The following ZNF385D variants were observed in gnomAD, a reference collection of about 807,000 sequenced individuals.
The protein encoded by ZNF385D is zinc finger protein 659.
Under a neutral mutation model 35.8 loss-of-function variants are expected in ZNF385D, and 15 were observed. That is an observed-to-expected ratio of 0.42 (90% confidence interval 0.28 to 0.64). The LOEUF (loss-of-function observed/expected upper bound fraction) is 0.64. Ranked by LOEUF, ZNF385D falls within the 30% of genes least tolerant of loss-of-function variation. The probability of loss-of-function intolerance (pLI) is 0.23; values close to 1 mark genes in which losing one functional copy is unlikely to be tolerated. For synonymous variants in ZNF385D, 212 were observed against 186.8 expected, an observed-to-expected ratio of 1.13 and a Z score of -1.10; for missense variants, 474 against 494.6, an observed-to-expected ratio of 0.96 and a Z score of 0.39.
At chr3:21,740,645 T>G (rs950188977) in intron 1 of ZNF385D, among the ~76,000 whole-genome samples, 5 of 152,118 alleles carry the variant, frequency 3.3e-5, no homozygotes, top group African/African-American at 1.2e-4. Context: ...CATACACTGA[T>G]TTCCGTGAGA....
chr3:21,934,017 T>C (rs1323390580), intron 3 of ZNF385D, among the ~76,000 whole-genome samples: 3 of 141,276 alleles, frequency 2.1e-5, no homozygotes, highest in Non-Finnish European at 4.7e-5. Context: ...AAAAAAAAAA[T>C]CCTAACTTTG....
intron 2 of ZNF385D, among the ~76,000 whole-genome samples, chr3:22,229,488 T>C (rs1362912278): frequency 6.6e-6 from 1 of 152,226 alleles, no homozygotes; most frequent in Admixed American, 6.5e-5. Flanking sequence ...GTTTTCCAGA[T>C]GCTTTGGAGA....
intron 3 of ZNF385D, among the ~76,000 whole-genome samples, chr3:21,924,055 G>A (rs36015330): frequency 0.53 from 81,266 of 151,974 alleles, 23,794 homozygotes; most frequent in South Asian, 0.66. Context: ...CTTATTTGTG[G>A]TAAAAGCCAG....
At chr3:21,954,085 C>T (rs1215474932) in intron 3 of ZNF385D, among the ~76,000 whole-genome samples, 3 of 151,882 alleles carry the variant, frequency 2.0e-5, no homozygotes, top group Non-Finnish European at 4.4e-5. Flanking sequence ...AGCATAAGTG[C>T]TGCCCTCCAT....
At chr3:22,105,476 T>C (rs1203981008) in intron 3 of ZNF385D, among the ~76,000 whole-genome samples, 9 of 152,122 alleles carry the variant, frequency 5.9e-5, no homozygotes, top group Non-Finnish European at 1.2e-4. Flanking sequence ...ATATAAAATA[T>C]TGGCTCACAC....
chr3:21,423,910 A>C, intron 7 of ZNF385D, 53 bp downstream of exon 7: 1 of 1,548,028 alleles, frequency 6.5e-7, no homozygotes, highest in Non-Finnish European at 8.8e-7. Context: ...AAATCAAGAA[A>C]CCAATAATTC....
At chr3:21,853,144 G>C (rs1017419683) in intron 3 of ZNF385D, among the ~76,000 whole-genome samples, 4 of 150,024 alleles carry the variant, frequency 2.7e-5, no homozygotes, top group Admixed American at 2.6e-4. Context: ...ATTTAGAGTA[G>C]GGTTTAAAAA....
chr3:22,280,102 G>T (rs1701659658), intron 2 of ZNF385D, among the ~76,000 whole-genome samples: 1 of 151,886 alleles, frequency 6.6e-6, no homozygotes, highest in South Asian at 2.1e-4. Flanking sequence ...GTCTATTCAT[G>T]TCCTTAGCCC....
intron 3 of ZNF385D, among the ~76,000 whole-genome samples, chr3:21,876,344 G>A (rs1697970123): frequency 6.6e-6 from 1 of 150,990 alleles, no homozygotes; most frequent in Non-Finnish European, 1.5e-5. Flanking sequence ...TGGTCAAAAC[G>A]GTATGGATAT....
intron 2 of ZNF385D, among the ~76,000 whole-genome samples, chr3:22,251,915 C>T (rs1700083170): frequency 1.3e-5 from 2 of 152,054 alleles, no homozygotes; most frequent in African/African-American, 4.8e-5. Context: ...GTTTGGGCGA[C>T]CTACCTCACA....
At chr3:21,929,286 A>G (rs1178682714) in intron 3 of ZNF385D, among the ~76,000 whole-genome samples, 2 of 152,066 alleles carry the variant, frequency 1.3e-5, no homozygotes, top group East Asian at 1.9e-4. Flanking sequence ...AAAACTCTCA[A>G]CAAACTAGGG....
At chr3:21,458,649 A>G (rs1702976274) in intron 4 of ZNF385D, among the ~76,000 whole-genome samples, 1 of 152,142 alleles carries the variant, frequency 6.6e-6, no homozygotes, top group Non-Finnish European at 1.5e-5. Context: ...AAACTGTGTC[A>G]TGAATGAACC....
At chr3:22,122,430 A>G (rs965537505) in intron 3 of ZNF385D, among the ~76,000 whole-genome samples, 1 of 152,162 alleles carries the variant, frequency 6.6e-6, no homozygotes, top group Non-Finnish European at 1.5e-5. Context: ...TATAGTAAGT[A>G]TATCAAATGA....
intron 2 of ZNF385D, among the ~76,000 whole-genome samples, chr3:22,321,206 A>C (rs985262707): frequency 6.5e-5 from 1 of 15,412 alleles, no homozygotes; most frequent in Non-Finnish European, 1.4e-4. Context: ...CATCTCTTTT[A>C]TCTCTTTTAT....
intron 3 of ZNF385D, among the ~76,000 whole-genome samples, chr3:21,827,428 A>G (rs776529071): frequency 6.6e-6 from 1 of 152,204 alleles, no homozygotes; most frequent in African/African-American, 2.4e-5. Flanking sequence ...ATCCTGACTC[A>G]AAGATTCCTT....
At chr3:21,972,792 G>C (rs372473154) in intron 3 of ZNF385D, among the ~76,000 whole-genome samples, 1 of 151,848 alleles carries the variant, frequency 6.6e-6, no homozygotes, top group African/African-American at 2.4e-5. Context: ...AGGCTACTCT[G>C]AGCAACTATA....
chr3:21,668,038 G>A lies in ZNF385D; in HGVS notation c.23-3010C>T, dbSNP rs181308445. Among the ~76,000 whole-genome samples, 212 of 152,146 alleles carry A rather than the reference G, an allele frequency of 1.4e-3. 1 individual carries two copies. Among genetic ancestry groups the A allele is most frequent in the South Asian group, 6.4e-3 (31 of 4,830 alleles). Reference sequence around the variant, plus strand: ...ATGTATAAGATTGTAGGAAAGCAGAGGACATGTGTCTACATATTTTTAGAC... The same window carrying A: ...ATGTATAAGATTGTAGGAAAGCAGAAGACATGTGTCTACATATTTTTAGAC... On this transcript the variant is annotated intron_variant, in intron 1 of 7. Transcript: ENST00000281523.
intron 3 of ZNF385D, among the ~76,000 whole-genome samples, chr3:21,926,590 A>G (rs1376323502): frequency 6.6e-6 from 1 of 152,168 alleles, no homozygotes; most frequent in Non-Finnish European, 1.5e-5. Context: ...TGCTGCAATA[A>G]ACACACGTGT....
chr3:22,281,702 CTTTTT>C (rs1359917970), intron 2 of ZNF385D, among the ~76,000 whole-genome samples: 1 of 151,618 alleles, frequency 6.6e-6, no homozygotes, highest in Non-Finnish European at 1.5e-5. Context: ...GTGTACTTTT[CTTTTT>C]TTGTTATGTC....
Sources: gnomAD v4.1 joint callset for allele counts (sites outside exome capture counted in the v4.1 genomes callset) on GRCh38, gnomAD v4.1.1 for gene constraint, MANE v1.5 for transcripts, NCBI Gene and HGNC (gene_info 2026-07-23, HGNC 2026-07-21) for gene names.